The following NUFIP1 variants were observed in gnomAD, a reference collection of about 807,000 sequenced individuals.
NUFIP1 encodes the protein nuclear FMR1 interacting protein 1, also known as FMR1-interacting protein NUFIP1.
Under a neutral mutation model 56.2 loss-of-function variants are expected in NUFIP1, and 38 were observed. The observed-to-expected ratio is 0.68, with a 90% CI of 0.52 to 0.89. The LOEUF (loss-of-function observed/expected upper bound fraction) is 0.89. NUFIP1 is among the 40% of genes least tolerant of loss of function. The probability of loss-of-function intolerance (pLI) is 0.00; values close to 1 mark genes in which losing one functional copy is unlikely to be tolerated. For synonymous variants in NUFIP1, 215 were observed against 212.4 expected, an observed-to-expected ratio of 1.01 and a Z score of -0.10; for missense variants, 567 against 605.8, an observed-to-expected ratio of 0.94 and a Z score of 0.67.
At chr13:44,958,947 A>G (rs974409952) in intron 7 of NUFIP1, among the ~76,000 whole-genome samples, 1 of 152,264 alleles carries the variant, frequency 6.6e-6, no homozygotes, top group Non-Finnish European at 1.5e-5. Context: ...CTGATCAAAC[A>G]TAATGAATTA....
intron 8 of NUFIP1, among the ~76,000 whole-genome samples, chr13:44,944,933 C>T (rs1266321718): frequency 6.6e-6 from 1 of 151,984 alleles, no homozygotes; most frequent in Non-Finnish European, 1.5e-5. Flanking sequence ...TTATGGCTTT[C>T]AATGCTTAAA....
chr13:44,971,111 A>G (rs1871790064), intron 5 of NUFIP1, among the ~76,000 whole-genome samples: 2 of 152,112 alleles, frequency 1.3e-5, no homozygotes, highest in South Asian at 4.2e-4. Flanking sequence ...ATATATATGA[A>G]CTCTTCAGAA....
intron 7 of NUFIP1, among the ~76,000 whole-genome samples, chr13:44,951,792 T>C (rs1393357324): frequency 6.6e-6 from 1 of 152,214 alleles, no homozygotes; most frequent in Non-Finnish European, 1.5e-5. Flanking sequence ...TGCAATAGCA[T>C]TATGTCTTAA....
At chr13:44,949,642 G>T in intron 8 of NUFIP1, 80 bp downstream of exon 8, 1 of 783,662 alleles carries the variant, frequency 1.3e-6, no homozygotes, top group Non-Finnish European at 2.1e-6. Flanking sequence ...TGCACATCCT[G>T]GATGTTATTA....
At chr13:44,982,033 G>C (rs776258523) in intron 2 of NUFIP1, 39 bp downstream of exon 2, 1 of 1,115,242 alleles carries the variant, frequency 9.0e-7, no homozygotes, top group Non-Finnish European at 1.2e-6. Context: ...CAGTAACATA[G>C]GGACCAAGGG....
intron 5 of NUFIP1, 47 bp downstream of exon 5, chr13:44,979,143 C>A: frequency 7.0e-7 from 1 of 1,427,280 alleles, no homozygotes; most frequent in African/African-American, 1.4e-5. Context: ...ATTAATAAGC[C>A]TTGTCACAGT....
chr13:44,979,051 T>A (rs529223808), intron 5 of NUFIP1, 139 bp downstream of exon 5: 375 of 596,570 alleles, frequency 6.3e-4, no homozygotes, highest in Non-Finnish European at 9.7e-4. Context: ...AAAACTACGT[T>A]CAATAATAGT....
intron 5 of NUFIP1, among the ~76,000 whole-genome samples, chr13:44,973,107 G>A (rs1871859813): frequency 6.6e-6 from 1 of 152,116 alleles, no homozygotes; most frequent in South Asian, 2.1e-4. Flanking sequence ...AAATATTAAT[G>A]TTTCCAAAGT....
intron 1 of NUFIP1, among the ~76,000 whole-genome samples, chr13:44,985,704 G>T (rs1485934339): frequency 6.6e-6 from 1 of 152,154 alleles, no homozygotes; most frequent in Non-Finnish European, 1.5e-5. Flanking sequence ...TAAATGCTGT[G>T]TATGTTCTAA....
At chr13:44,945,459 C>A (rs1299578858) in intron 8 of NUFIP1, among the ~76,000 whole-genome samples, 2 of 151,932 alleles carry the variant, frequency 1.3e-5, no homozygotes, top group African/African-American at 4.8e-5. Flanking sequence ...AGAAATCCTA[C>A]ACAAACCCTT....
intron 7 of NUFIP1, among the ~76,000 whole-genome samples, chr13:44,951,328 A>G (rs1223416466): frequency 6.6e-6 from 1 of 152,228 alleles, no homozygotes; most frequent in Non-Finnish European, 1.5e-5. Flanking sequence ...TATGCTCTTC[A>G]AAAGCATGAT....
chr13:44,957,457 C>G (rs551147134), intron 7 of NUFIP1, among the ~76,000 whole-genome samples: 10 of 152,174 alleles, frequency 6.6e-5, no homozygotes, highest in Non-Finnish European at 8.8e-5. Context: ...GTTGATCCAC[C>G]TGCCTCAGCT....
At chr13:44,946,921 T>A (rs938410242) in intron 8 of NUFIP1, among the ~76,000 whole-genome samples, 3 of 152,236 alleles carry the variant, frequency 2.0e-5, no homozygotes, top group Admixed American at 2.0e-4. Context: ...CCTGGATGGC[T>A]TAATAAAGCT....
At chr13:44,959,321 A>G in intron 7 of NUFIP1, 60 bp downstream of exon 7, 1 of 1,457,648 alleles carries the variant, frequency 6.9e-7, no homozygotes, top group Non-Finnish European at 9.4e-7. Context: ...GCTGTGAATA[A>G]TCAACTTCAG....
In NUFIP1 at chr13:44,979,250, A is replaced by G; in HGVS notation, c.674T>C (p.Met225Thr). The change falls in exon 5 of 10, where the codon ATG (methionine) becomes ACG (threonine). Residue 225 changes from methionine (M) to threonine (T), a missense_variant. Coordinates refer to ENST00000379161, the MANE Select transcript of NUFIP1 (RefSeq NM_012345.3). Reference sequence around the variant, plus strand: ...TGGAGTGTCTAACTTGATCTTCTTCATGCCAGGAGCATGCATCTAGGGGGA... The same window carrying G: ...TGGAGTGTCTAACTTGATCTTCTTCGTGCCAGGAGCATGCATCTAGGGGGA... ...FHWRNMHAPG[M>T]KKIKLDTPEE... 1 of 1,613,334 alleles carries G rather than the reference A, an allele frequency of 6.2e-7. No homozygotes were observed. The highest frequency in any genetic ancestry group is 8.5e-7 in the Non-Finnish European group (1 of 1,179,774).
chr13:44,958,187 CAT>C (rs1278376703), intron 7 of NUFIP1, among the ~76,000 whole-genome samples: 2 of 152,114 alleles, frequency 1.3e-5, no homozygotes, highest in African/African-American at 2.4e-5. Flanking sequence ...GAGTGAGACT[CAT>C]ATGTTCAAAT....
chr13:44,974,532 G>A (rs1190442958), intron 5 of NUFIP1, among the ~76,000 whole-genome samples: 3 of 152,140 alleles, frequency 2.0e-5, no homozygotes, highest in African/African-American at 7.2e-5. Context: ...CTGCATGAAG[G>A]TGAAGGGCAC....
At chr13:44,943,368 A>C in intron 9 of NUFIP1, 74 bp downstream of exon 9, 1 of 1,265,266 alleles carries the variant, frequency 7.9e-7, no homozygotes, top group Admixed American at 1.8e-5. Flanking sequence ...ACACACACAC[A>C]CACACACACC....
intron 8 of NUFIP1, among the ~76,000 whole-genome samples, 180 bp downstream of exon 8, chr13:44,949,542 A>G (rs1430302550): frequency 6.6e-6 from 1 of 152,196 alleles, no homozygotes; most frequent in African/African-American, 2.4e-5. Context: ...GAGTAGCAAC[A>G]CATTTCTTTA....
Sources: allele counts gnomAD v4.1 joint callset (sites outside exome capture counted in the v4.1 genomes callset), GRCh38; gene constraint gnomAD v4.1.1; transcripts MANE v1.5; gene names NCBI Gene and HGNC (gene_info 2026-07-23, HGNC 2026-07-21).